Variants in DACH2 observed in about 807,000 individuals in gnomAD.
DACH2 encodes the protein dachshund homolog 2.
In DACH2, 17 loss-of-function variants were observed where a neutral mutation model predicts 35.8. The ratio of observed to expected loss-of-function variants is 0.48; its 90% CI spans 0.33 to 0.71. The LOEUF (loss-of-function observed/expected upper bound fraction) is 0.71, where lower values mean the gene tolerates loss of function less well. Among genes scored for constraint, DACH2 ranks in the 30% least tolerant of loss-of-function variants. The pLI, the probability that DACH2 is intolerant of heterozygous loss-of-function variation, is 0.02. For synonymous variants in DACH2, 195 were observed against 177.3 expected, an observed-to-expected ratio of 1.10 and a Z score of -0.79; for missense variants, 469 against 472.7, an observed-to-expected ratio of 0.99 and a Z score of 0.07.
At chrX:86,690,135 TAAC>T (rs2040992676) in intron 4 of DACH2, among the ~76,000 whole-genome samples, 1 of 112,134 alleles carries the variant, frequency 8.9e-6, no homozygotes, top group Non-Finnish European at 1.9e-5. Context: ...CACTCATTCT[TAAC>T]AACACGGTGC....
intron 1 of DACH2, among the ~76,000 whole-genome samples, chrX:86,182,178 T>C (rs2031516740): frequency 8.9e-6 from 1 of 112,117 alleles, no homozygotes; most frequent in Non-Finnish European, 1.9e-5. Flanking sequence ...GTGCAGAAGG[T>C]CTTTAGTTTA....
intron 1 of DACH2, among the ~76,000 whole-genome samples, chrX:86,356,717 T>A (rs775287194): frequency 1.8e-5 from 2 of 111,698 alleles, no homozygotes; most frequent in Admixed American, 1.9e-4. Flanking sequence ...TGTTCTGTAA[T>A]TTATTTAAAA....
chrX:86,373,570 G>C (rs1003376605), intron 1 of DACH2, among the ~76,000 whole-genome samples: 6 of 110,627 alleles, frequency 5.4e-5, no homozygotes, highest in African/African-American at 2.0e-4. Flanking sequence ...CATTCAGGTC[G>C]GTATATTGGG....
chrX:86,704,641 A>C (rs1013800258), intron 5 of DACH2, among the ~76,000 whole-genome samples: 1 of 111,809 alleles, frequency 8.9e-6, no homozygotes, highest in African/African-American at 3.3e-5. Flanking sequence ...AAGTGACATT[A>C]GTAGACACTT....
Position 86,282,826 on chromosome X carries a change from G to A in DACH2, c.489-93998G>A, listed in dbSNP as rs1353448999. The stretch of plus-strand genomic sequence containing the variant: ...GGAGTCTCGCTCTGTCGCCCAGGCT[G>A]GAGTGCAGTGGCGGGATCTCGGCTC... On this transcript the variant is annotated intron_variant, in intron 1 of 11. Transcript: ENST00000373125. 1.0e-4 allele frequency among the ~76,000 whole-genome samples: 2 copies of A among 19,365 alleles called. 1 individual carries two copies. Among genetic ancestry groups the A allele is most frequent in the Non-Finnish European group, 1.5e-4 (2 of 13,601 alleles). The allele number at this position is 19,365 out of a possible 115,157, so 16.8% of individuals were successfully genotyped here.
chrX:86,530,570 T>C (rs949913181), intron 3 of DACH2, among the ~76,000 whole-genome samples: 2 of 111,965 alleles, frequency 1.8e-5, no homozygotes, highest in African/African-American at 3.2e-5. Context: ...GATGGTAAGT[T>C]TCCTGAAGTC....
At chrX:86,695,703 G>A (rs894133451) in intron 5 of DACH2, among the ~76,000 whole-genome samples, 5 of 109,527 alleles carry the variant, frequency 4.6e-5, no homozygotes, top group African/African-American at 1.3e-4. Flanking sequence ...AATAAAGACG[G>A]GGTTTCACCA....
chrX:86,434,369 C>T (rs1157826164), intron 2 of DACH2, among the ~76,000 whole-genome samples: 3 of 111,294 alleles, frequency 2.7e-5, no homozygotes, highest in African/African-American at 9.8e-5. Context: ...TTAAAGTGTA[C>T]CTTTTTAAAA....
chrX:86,705,178 G>A (rs918403213), intron 5 of DACH2, among the ~76,000 whole-genome samples: 1 of 107,177 alleles, frequency 9.3e-6, no homozygotes, highest in Non-Finnish European at 1.9e-5. Context: ...TCTTCTAAGT[G>A]AAGTAACTCA....
At position 86,282,055 on chromosome X, in the gene DACH2, C is replaced by G. The variant is rs191811561; in HGVS notation, c.489-94769C>G. Among the ~76,000 whole-genome samples, 7 of 112,083 alleles carry G rather than the reference C, an allele frequency of 6.2e-5. No individual in the cohort carries two copies. In the East Asian group the frequency reaches 2.0e-3, roughly 31 times the overall value. ...GCTCAGGTATAGGAAGAATGAATAT[C>G]GTGAAAATAGCCTTACTGGCCAAAG... On this transcript the variant is annotated intron_variant, in intron 1 of 11. Transcript: ENST00000373125.
At position 86,427,947 on chromosome X, in the gene DACH2, T is replaced by C. The variant is rs185996770; in HGVS notation, c.527+51085T>C. ...TGAGGTAGTGTAAGTAGTTCTTTAA[T>C]TTCAGAAATTGACCTTGAACACTTT... On this transcript the variant is annotated intron_variant, in intron 2 of 11. Transcript: ENST00000373125. Among the ~76,000 whole-genome samples, 4 of 111,917 alleles carry C rather than the reference T, an allele frequency of 3.6e-5. No individual in the cohort carries two copies. In the East Asian group the frequency reaches 1.1e-3, roughly 31 times the overall value.
chrX:86,535,878 CAA>C (rs2038791411), intron 3 of DACH2, among the ~76,000 whole-genome samples: 1 of 111,184 alleles, frequency 9.0e-6, no homozygotes, highest in Non-Finnish European at 1.9e-5. Context: ...GAAACAGAGA[CAA>C]TTAACATGTC....
At chrX:86,384,858 G>T (rs929647947) in intron 2 of DACH2, among the ~76,000 whole-genome samples, 2 of 111,631 alleles carry the variant, frequency 1.8e-5, no homozygotes, top group African/African-American at 6.5e-5. Context: ...ATGTGCAAAA[G>T]CTGTTAAAAC....
intron 5 of DACH2, among the ~76,000 whole-genome samples, chrX:86,700,542 A>T (rs2041130013): frequency 9.0e-6 from 1 of 110,966 alleles, no homozygotes; most frequent in East Asian, 2.8e-4. Flanking sequence ...GTTAAAAAAA[A>T]AAAGGAATCC....
rs1195400316 is a variant in DACH2, at chrX:86,680,652, C to CTTT, written c.773-14352_773-14350dup. Among the ~76,000 whole-genome samples the CTTT allele has an allele frequency of 3.7e-3, 301 of 82,302 alleles. 5 individuals are homozygous for CTTT. Among genetic ancestry groups the CTTT allele is most frequent in the African/African-American group, 0.013 (280 of 22,056 alleles). The allele number at this position is 82,302 out of a possible 115,157, so 71.5% of individuals were successfully genotyped here. A position where few individuals can be genotyped will look rare whatever the true frequency, so the allele number is the denominator to read the frequency against. ...TTATTGAATTCATAATGACTCATTT[C>CTTT]TTTTTTTTTTTTTTTTTTTGAGACA... On this transcript the variant is annotated intron_variant, in intron 4 of 11. Transcript: ENST00000373125.
In DACH2 at chrX:86,544,837, C is replaced by T. The variant is rs2038935779; in HGVS notation, c.640+30446C>T. Among the ~76,000 whole-genome samples the T allele has an allele frequency of 3.6e-5, 4 of 112,372 alleles. No homozygotes were observed. In the Admixed American group the frequency reaches 3.8e-4, roughly 11 times the overall value. On this transcript the variant is annotated intron_variant, in intron 3 of 11. Coordinates refer to ENST00000373125, the MANE Select transcript of DACH2 (RefSeq NM_053281.3). ...TAGGCTAAATGCCCCAACTCAAAGT[C>T]ATACAAGCGACAATTAGATAAAAAA...
intron 7 of DACH2, among the ~76,000 whole-genome samples, chrX:86,788,483 G>C (rs929579413): frequency 8.9e-6 from 1 of 111,740 alleles, no homozygotes; most frequent in Admixed American, 9.5e-5. Context: ...GTATGCAATT[G>C]AATTTTCTTC....
At chrX:86,508,990 T>C (rs1232911990) in intron 2 of DACH2, among the ~76,000 whole-genome samples, 1 of 111,626 alleles carries the variant, frequency 9.0e-6, no homozygotes, top group Non-Finnish European at 1.9e-5. Flanking sequence ...TTTATTATAA[T>C]TATAAGATTA....
At chrX:86,276,390 T>C (rs2033917063) in intron 1 of DACH2, among the ~76,000 whole-genome samples, 1 of 112,291 alleles carries the variant, frequency 8.9e-6, no homozygotes, top group South Asian at 3.7e-4. Context: ...TTAAAATTTT[T>C]CTATAGAGTT....
Sources: gnomAD v4.1 joint callset for allele counts (sites outside exome capture counted in the v4.1 genomes callset) on GRCh38, gnomAD v4.1.1 for gene constraint, MANE v1.5 for transcripts, NCBI Gene and HGNC (gene_info 2026-07-23, HGNC 2026-07-21) for gene names.